The following HCRTR2 variants were observed in gnomAD, a reference collection of about 807,000 sequenced individuals.
HCRTR2 encodes the protein orexin receptor type 2.
A neutral mutation model predicts 49.0 loss-of-function variants in HCRTR2; 22 were observed. The ratio of observed to expected loss-of-function variants is 0.45; its 90% CI spans 0.32 to 0.64. The LOEUF is 0.64. HCRTR2 is among the 30% of genes least tolerant of loss of function. The pLI is 0.04. For synonymous variants in HCRTR2, 236 were observed against 205.3 expected (o/e 1.15, Z -1.28); for missense variants, 491 against 559.4 (o/e 0.88, Z 1.23).
chr6:55,215,115 C>G (rs1765764552), intron 1 of HCRTR2, among the ~76,000 whole-genome samples: 1 of 152,116 alleles, frequency 6.6e-6, no homozygotes, highest in African/African-American at 2.4e-5. Context: ...CCAGAAAAGT[C>G]TATACTTCAG....
chr6:55,209,506 G>A (rs1363522586), intron 1 of HCRTR2, among the ~76,000 whole-genome samples: 1 of 152,106 alleles, frequency 6.6e-6, no homozygotes, highest in African/African-American at 2.4e-5. Context: ...CATGGTGTGT[G>A]TTTGTTCACA....
intron 3 of HCRTR2, among the ~76,000 whole-genome samples, chr6:55,259,702 G>T (rs1373992090): frequency 6.6e-6 from 1 of 151,630 alleles, no homozygotes; most frequent in African/African-American, 2.4e-5. Flanking sequence ...TTATTCATCA[G>T]TTGAGTAAAA....
intron 4 of HCRTR2, among the ~76,000 whole-genome samples, chr6:55,271,387 T>C (rs1766969859): frequency 6.6e-6 from 1 of 152,106 alleles, no homozygotes; most frequent in Admixed American, 6.6e-5. Flanking sequence ...CATTCAAAAC[T>C]TAACTCAAAA....
At chr6:55,188,705 G>T (rs985392115) in intron 1 of HCRTR2, among the ~76,000 whole-genome samples, 7 of 152,142 alleles carry the variant, frequency 4.6e-5, no homozygotes, top group African/African-American at 7.2e-5. Context: ...ATGAGGCATG[G>T]TTCTTACCTA....
At chr6:55,262,604 G>A (rs1177315799) in intron 3 of HCRTR2, among the ~76,000 whole-genome samples, 2 of 128,994 alleles carry the variant, frequency 1.6e-5, no homozygotes, top group South Asian at 4.6e-4. Context: ...ATTAATATAT[G>A]AATATATCTA....
intron 1 of HCRTR2, among the ~76,000 whole-genome samples, chr6:55,147,723 A>G (rs554785189): frequency 6.6e-6 from 1 of 152,328 alleles, no homozygotes; most frequent in South Asian, 2.1e-4. Flanking sequence ...AAAGTATTTC[A>G]TAAAGATGAT....
chr6:55,175,089 C>T (rs1287832661), intron 1 of HCRTR2, among the ~76,000 whole-genome samples: 1 of 151,876 alleles, frequency 6.6e-6, no homozygotes, highest in Non-Finnish European at 1.5e-5. Context: ...GGAGAGGGGC[C>T]GCGGCAGGGA....
chr6:55,183,573 A>T (rs962740859), intron 1 of HCRTR2, among the ~76,000 whole-genome samples: 3 of 152,162 alleles, frequency 2.0e-5, no homozygotes, highest in African/African-American at 7.2e-5. Context: ...TTAGAGTACC[A>T]TCATTGGTTT....
intron 1 of HCRTR2, among the ~76,000 whole-genome samples, chr6:55,202,076 T>A (rs1765522093): frequency 6.6e-6 from 1 of 152,190 alleles, no homozygotes; most frequent in African/African-American, 2.4e-5. Flanking sequence ...TTCAAGGTTA[T>A]AAGAGAGCTT....
At chr6:55,276,356 C>T (rs767824644) in intron 4 of HCRTR2, among the ~76,000 whole-genome samples, 1 of 152,122 alleles carries the variant, frequency 6.6e-6, no homozygotes, top group Non-Finnish European at 1.5e-5. Flanking sequence ...TAAAGATTAT[C>T]GAACAGACTT....
At chr6:55,186,735 G>C (rs1414280758) in intron 1 of HCRTR2, among the ~76,000 whole-genome samples, 1 of 152,158 alleles carries the variant, frequency 6.6e-6, no homozygotes, top group Non-Finnish European at 1.5e-5. Flanking sequence ...CCCAAATGAG[G>C]TGAAACAGCT....
intron 5 of HCRTR2, among the ~76,000 whole-genome samples, chr6:55,279,635 G>A (rs1767149867): frequency 6.6e-6 from 1 of 151,754 alleles, no homozygotes; most frequent in Non-Finnish European, 1.5e-5. Flanking sequence ...GTAGCTGTAA[G>A]TTATCTGTTA....
At chr6:55,116,687 A>T (rs1243555661) in intron 1 of HCRTR2, among the ~76,000 whole-genome samples, 1 of 144,078 alleles carries the variant, frequency 6.9e-6, no homozygotes, top group Admixed American at 7.4e-5. Flanking sequence ...AATAGTGGTT[A>T]TTCTGAACAG....
intron 1 of HCRTR2, among the ~76,000 whole-genome samples, chr6:55,156,104 AT>A (rs1393718930): frequency 3.3e-5 from 5 of 151,778 alleles, no homozygotes; most frequent in Admixed American, 3.3e-4. Context: ...TCTATATAGT[AT>A]TAATAATATT....
chr6:55,236,409 T>C (rs556444509), intron 1 of HCRTR2, among the ~76,000 whole-genome samples: 2 of 152,198 alleles, frequency 1.3e-5, no homozygotes, highest in South Asian at 2.1e-4. Context: ...CTAAGGTATT[T>C]ATTAAGATTA....
At chr6:55,234,630 G>A (rs1446552194) in intron 1 of HCRTR2, among the ~76,000 whole-genome samples, 1 of 152,106 alleles carries the variant, frequency 6.6e-6, no homozygotes, top group Admixed American at 6.6e-5. Flanking sequence ...GGCAACAAAT[G>A]TATAATATGG....
intron 1 of HCRTR2, among the ~76,000 whole-genome samples, chr6:55,178,438 A>T (rs4454139): frequency 6.6e-6 from 1 of 152,084 alleles, no homozygotes; most frequent in African/African-American, 2.4e-5. Context: ...ATCGATAATG[A>T]CTGCATTATA....
At chr6:55,232,101 G>A (rs1766125937) in intron 1 of HCRTR2, among the ~76,000 whole-genome samples, 1 of 151,858 alleles carries the variant, frequency 6.6e-6, no homozygotes, top group Non-Finnish European at 1.5e-5. Flanking sequence ...CAAACATTTG[G>A]CTTCAACCTG....
At chr6:55,279,014 T>A (rs1271947889) in intron 5 of HCRTR2, among the ~76,000 whole-genome samples, 1 of 151,996 alleles carries the variant, frequency 6.6e-6, no homozygotes, top group East Asian at 1.9e-4. Context: ...TTGTCAATAA[T>A]ATATGTCTTA....
Sources: allele counts gnomAD v4.1 joint callset (sites outside exome capture counted in the v4.1 genomes callset), GRCh38; gene constraint gnomAD v4.1.1; transcripts MANE v1.5; gene names NCBI Gene and HGNC (gene_info 2026-07-23, HGNC 2026-07-21).